TECRL: variants seen among roughly 807,000 people sequenced by gnomAD.
The protein encoded by TECRL is trans-2,3-enoyl-CoA reductase-like.
TECRL carries 63 observed loss-of-function variants against 52.8 expected under a neutral mutation model. The ratio of observed to expected loss-of-function variants is 1.19; its 90% CI spans 0.97 to 1.47. The LOEUF is 1.47. Ranked by LOEUF, TECRL falls within the 40% of genes most tolerant of loss-of-function variation. The pLI is 0.00. For synonymous variants in TECRL, 164 were observed against 141.9 expected (o/e 1.16, Z -1.10); for missense variants, 482 against 429.6 (o/e 1.12, Z -1.08).
chr4:64,291,771 C>T (rs1334013430), intron 8 of TECRL, among the ~76,000 whole-genome samples: 3 of 151,712 alleles, frequency 2.0e-5, no homozygotes, highest in Non-Finnish European at 4.4e-5. Flanking sequence ...TTAGGTGAAA[C>T]TGTCCCTAGA....
At chr4:64,379,116 G>T (rs1458814384) in intron 1 of TECRL, among the ~76,000 whole-genome samples, 1 of 151,760 alleles carries the variant, frequency 6.6e-6, no homozygotes, top group East Asian at 1.9e-4. Flanking sequence ...ATTTACCAAA[G>T]AAAGTTTTTA....
intron 2 of TECRL, among the ~76,000 whole-genome samples, chr4:64,348,638 A>G (rs1345924905): frequency 6.6e-6 from 1 of 152,088 alleles, no homozygotes; most frequent in African/African-American, 2.4e-5. Context: ...AGTGGTCTGT[A>G]CCCCACTTTA....
chr4:64,315,213 T>G (rs988171021), intron 4 of TECRL, among the ~76,000 whole-genome samples: 2 of 152,228 alleles, frequency 1.3e-5, no homozygotes, highest in East Asian at 3.9e-4. Context: ...CTTGAATCCA[T>G]TGATTTGACT....
chr4:64,359,100 AG>A (rs904191671), intron 2 of TECRL, among the ~76,000 whole-genome samples: 11 of 151,822 alleles, frequency 7.2e-5, no homozygotes, highest in African/African-American at 2.7e-4. Flanking sequence ...TTTTTTAAAG[AG>A]AAAAAAAGAT....
intron 2 of TECRL, among the ~76,000 whole-genome samples, chr4:64,368,351 A>G (rs1225044577): frequency 6.6e-6 from 1 of 152,122 alleles, no homozygotes; most frequent in Non-Finnish European, 1.5e-5. Context: ...GCTGGAGTGC[A>G]ATGGCATGAT....
chr4:64,349,039 C>T (rs1427564718), intron 2 of TECRL, among the ~76,000 whole-genome samples: 1 of 135,320 alleles, frequency 7.4e-6, no homozygotes, highest in Non-Finnish European at 1.5e-5. Flanking sequence ...AATGTAATTC[C>T]TTTACTAGAG....
chr4:64,335,228 C>T (rs1026128787), intron 2 of TECRL, among the ~76,000 whole-genome samples: 1 of 152,178 alleles, frequency 6.6e-6, no homozygotes, highest in Non-Finnish European at 1.5e-5. Flanking sequence ...CCATTACTCA[C>T]ATTACCGTCT....
chr4:64,328,292 T>C (rs1471990174), intron 3 of TECRL, among the ~76,000 whole-genome samples: 1 of 152,016 alleles, frequency 6.6e-6, no homozygotes, highest in Admixed American at 6.6e-5. Context: ...TATTTTAGTT[T>C]CAGAATCTGC....
At chr4:64,402,040 A>T (rs1418447746) in intron 1 of TECRL, among the ~76,000 whole-genome samples, 1 of 152,096 alleles carries the variant, frequency 6.6e-6, no homozygotes, top group African/African-American at 2.4e-5. Context: ...TATATGTACA[A>T]AACAAACATT....
intron 1 of TECRL, among the ~76,000 whole-genome samples, chr4:64,380,907 G>A (rs1376278022): frequency 6.6e-6 from 1 of 151,998 alleles, no homozygotes; most frequent in Non-Finnish European, 1.5e-5. Flanking sequence ...TAGATTTTAA[G>A]ATTGTTTTTC....
intron 9 of TECRL, among the ~76,000 whole-genome samples, chr4:64,288,987 C>T (rs548388864): frequency 6.6e-6 from 1 of 152,130 alleles, no homozygotes; most frequent in African/African-American, 2.4e-5. Flanking sequence ...AGCATCTGGA[C>T]AACGTTTTGC....
chr4:64,367,165 A>G (rs1490045134), intron 2 of TECRL, among the ~76,000 whole-genome samples: 1 of 152,134 alleles, frequency 6.6e-6, no homozygotes, highest in Non-Finnish European at 1.5e-5. Context: ...GTTCTCACTT[A>G]TAAGTGGGAG....
chr4:64,339,450 A>G (rs949870707), intron 2 of TECRL, among the ~76,000 whole-genome samples: 4 of 151,706 alleles, frequency 2.6e-5, no homozygotes, highest in Admixed American at 6.6e-5. Context: ...ATAAAAATAT[A>G]TATATATATA....
chr4:64,305,307 A>G, intron 6 of TECRL, 69 bp from the exon 7 acceptor site: 1 of 1,401,296 alleles, frequency 7.1e-7, no homozygotes, highest in South Asian at 1.2e-5. Context: ...TGTGACATAC[A>G]TTTATATTAC....
intron 8 of TECRL, among the ~76,000 whole-genome samples, chr4:64,292,937 T>TA (rs966044914): frequency 3.3e-5 from 5 of 151,922 alleles, no homozygotes; most frequent in African/African-American, 9.7e-5. Context: ...GTTTGATAAA[T>TA]AAAAAAAATT....
Position 64,281,554 on chromosome 4 carries a change from T to C in TECRL, c.838A>G (p.Asn280Asp), listed in dbSNP as rs759822559. Reference sequence around the variant, plus strand: ...TAATTTGGACTTGGGAAACAGGCATTGTTTCCTTTTTCAAAGGAAAGTAAA... The same window carrying C: ...TAATTTGGACTTGGGAAACAGGCATCGTTTCCTTTTTCAAAGGAAAGTAAA... ...MLSHPNHTGN[N>D]ACFPSPNYNP... The change falls in exon 10 of 12, where the codon AAT becomes GAT. Residue 280 changes from asparagine (N) to aspartate (D), a missense_variant. Asn to Asp is a conservative substitution (Grantham distance 23). Coordinates refer to ENST00000381210, the MANE Select transcript of TECRL (RefSeq NM_001010874.5). 6.3e-7 allele frequency: 1 copy of C among 1,590,574 alleles called. No individual in the cohort carries two copies. The highest frequency in any genetic ancestry group is 8.6e-7 in the Non-Finnish European group (1 of 1,165,650).
At chr4:64,386,732 T>C (rs1480434118) in intron 1 of TECRL, among the ~76,000 whole-genome samples, 1 of 152,214 alleles carries the variant, frequency 6.6e-6, no homozygotes, top group East Asian at 1.9e-4. Flanking sequence ...GCATAAATTA[T>C]TAAAATCAAT....
At chr4:64,336,424 G>A (rs898408401) in intron 2 of TECRL, among the ~76,000 whole-genome samples, 1 of 151,966 alleles carries the variant, frequency 6.6e-6, no homozygotes, top group African/African-American at 2.4e-5. Flanking sequence ...CTTGCTAGTG[G>A]TCTATCAATT....
intron 2 of TECRL, 55 bp downstream of exon 2, chr4:64,375,117 C>T (rs1290773324): frequency 2.1e-6 from 2 of 932,348 alleles, no homozygotes; most frequent in African/African-American, 3.6e-5. Context: ...AAAATTTAAA[C>T]CTATTTGAAA....
Sources: gnomAD v4.1 joint callset for allele counts (sites outside exome capture counted in the v4.1 genomes callset) on GRCh38, gnomAD v4.1.1 for gene constraint, MANE v1.5 for transcripts, NCBI Gene and HGNC (gene_info 2026-07-23, HGNC 2026-07-21) for gene names.